Variants in PRTFDC1 observed in about 807,000 individuals in gnomAD.
The protein encoded by PRTFDC1 is phosphoribosyl transferase domain containing 1.
Under a neutral mutation model 34.6 loss-of-function variants are expected in PRTFDC1, and 38 were observed. The ratio of observed to expected loss-of-function variants is 1.10; its 90% CI spans 0.85 to 1.44. PRTFDC1 has a LOEUF of 1.44. Ranked by LOEUF, PRTFDC1 falls within the 40% of genes most tolerant of loss-of-function variation. The probability of loss-of-function intolerance (pLI) is 0.00; values close to 1 mark genes in which losing one functional copy is unlikely to be tolerated. For missense variants in PRTFDC1, 270 were observed against 283.0 expected, an observed-to-expected ratio of 0.95 and a Z score of 0.33; for synonymous variants, 93 against 98.1, an observed-to-expected ratio of 0.95 and a Z score of 0.31.
In PRTFDC1 at chr10:24,952,561, G is replaced by C; in HGVS notation, c.15C>G (p.Ser5Arg). The C allele has an allele frequency of 6.3e-7, 1 of 1,591,862 alleles. No individual in the cohort carries two copies. Residue 5 changes from serine to arginine, a missense_variant, in exon 1 of 9, where the codon AGC becomes AGG. Coordinates refer to ENST00000320152, the MANE Select transcript of PRTFDC1 (RefSeq NM_020200.7). This position sits in a 1 kb window ranked among gnomAD's most constrained non-coding sequence, Gnocchi z 5.1. The part of the protein sequence containing the change: MAGS[S>R]EEAPDYGRGV... ...CTCGCCCGTAGTCTGGCGCCTCCTC[G>C]CTGCTCCCGGCCATGTTTCTCCCGG...
intron 3 of PRTFDC1, among the ~76,000 whole-genome samples, chr10:24,876,555 A>G (rs1296985121): frequency 2.0e-5 from 3 of 151,718 alleles, no homozygotes; most frequent in African/African-American, 7.3e-5. Context: ...TTAGCCAGGT[A>G]TGTTGGTGCA....
chr10:24,852,154 T>G (rs1251646684), intron 7 of PRTFDC1, among the ~76,000 whole-genome samples: 1 of 151,948 alleles, frequency 6.6e-6, no homozygotes, highest in Non-Finnish European at 1.5e-5. Flanking sequence ...GAAGATTCAT[T>G]GAAAAGATGA....
chr10:24,898,434 G>A (rs1327713485), intron 3 of PRTFDC1, among the ~76,000 whole-genome samples: 10 of 145,832 alleles, frequency 6.9e-5, no homozygotes, highest in Admixed American at 1.4e-4. Context: ...ACTGTACTCC[G>A]GCCCGGGTGA....
intron 3 of PRTFDC1, among the ~76,000 whole-genome samples, chr10:24,888,794 A>C (rs1848212903): frequency 6.6e-6 from 1 of 152,196 alleles, no homozygotes; most frequent in East Asian, 1.9e-4. Context: ...AATATACATC[A>C]ATAATGTGGT....
chr10:24,881,478 C>T (rs531073921), intron 3 of PRTFDC1, among the ~76,000 whole-genome samples: 387 of 152,224 alleles, frequency 2.5e-3, no homozygotes, highest in Non-Finnish European at 4.6e-3. Context: ...GTCAGCAGGG[C>T]ATGGAGTGAT....
In PRTFDC1 at chr10:24,848,997, A is replaced by C. The variant is rs1847436710; in HGVS notation, c.*847T>G. ...AGTGTCTTGTCCTTTCATGCAAATA[A>C]GAGGAAAAATTTATACTTGCTTAGT... is the stretch of plus-strand genomic sequence containing the variant. On this transcript the variant is annotated 3_prime_UTR_variant, in exon 9 of 9. Coordinates refer to ENST00000320152, the MANE Select transcript of PRTFDC1 (RefSeq NM_020200.7). The C allele has an allele frequency of 6.6e-6, 1 of 152,246 alleles. No individual in the cohort carries two copies. The highest frequency in any genetic ancestry group is 6.5e-5 in the Admixed American group (1 of 15,278). The allele number at this position is 152,246 out of a possible 1,614,324, so 9.4% of individuals were successfully genotyped here.
chr10:24,921,393 A>G (rs1178095078), intron 3 of PRTFDC1, among the ~76,000 whole-genome samples: 1 of 152,134 alleles, frequency 6.6e-6, no homozygotes, highest in Non-Finnish European at 1.5e-5. Flanking sequence ...TAGGGCACCA[A>G]AGCCCCCATC....
intron 3 of PRTFDC1, chr10:24,908,730 C>T (rs187565232): frequency 6.5e-7 from 1 of 1,528,750 alleles, no homozygotes. Context: ...GAAGGAGACA[C>T]CTACCTAGCC....
chr10:24,850,562 T>C (rs981286032), intron 8 of PRTFDC1, among the ~76,000 whole-genome samples: 1 of 151,802 alleles, frequency 6.6e-6, no homozygotes. Flanking sequence ...AGCCTGGGAG[T>C]TCAAGGCTGC....
At chr10:24,894,070 C>T (rs552568428) in intron 3 of PRTFDC1, among the ~76,000 whole-genome samples, 3 of 152,256 alleles carry the variant, frequency 2.0e-5, no homozygotes, top group South Asian at 2.1e-4. Context: ...CGGTGGCTCA[C>T]GCCTGTAATC....
At chr10:24,921,787 A>G (rs190146239) in intron 3 of PRTFDC1, among the ~76,000 whole-genome samples, 25 of 152,220 alleles carry the variant, frequency 1.6e-4, no homozygotes, top group Admixed American at 1.1e-3. Context: ...TCCCAAATTA[A>G]TAAGTAGAAA....
chr10:24,871,953 G>A (rs1847875955), intron 4 of PRTFDC1, 45 bp downstream of exon 4: 20 of 1,517,978 alleles, frequency 1.3e-5, no homozygotes, highest in Non-Finnish European at 1.6e-5. Context: ...GGTCACCGAT[G>A]CCCCCAGACC....
intron 3 of PRTFDC1, among the ~76,000 whole-genome samples, chr10:24,936,126 G>A (rs1366843841): frequency 1.3e-5 from 2 of 152,214 alleles, no homozygotes; most frequent in Non-Finnish European, 2.9e-5. Context: ...GAATTAAAAT[G>A]TGTCAAGTTA....
At chr10:24,890,881 G>T (rs955559854) in intron 3 of PRTFDC1, among the ~76,000 whole-genome samples, 2 of 152,204 alleles carry the variant, frequency 1.3e-5, no homozygotes, top group Non-Finnish European at 2.9e-5. Context: ...GCTTCACTAA[G>T]GATCCTAGAA....
intron 4 of PRTFDC1, among the ~76,000 whole-genome samples, chr10:24,861,981 A>G (rs1354312870): frequency 6.6e-6 from 1 of 151,940 alleles, no homozygotes; most frequent in African/African-American, 2.4e-5. Flanking sequence ...ATTTCCTTAC[A>G]TATAAATATA....
chr10:24,881,332 A>T (rs1039134643), intron 3 of PRTFDC1, among the ~76,000 whole-genome samples: 2 of 152,062 alleles, frequency 1.3e-5, no homozygotes, highest in African/African-American at 4.8e-5. Flanking sequence ...GGCCTCCCAA[A>T]GCACCTGGCC....
At chr10:24,880,863 CTTTCTTTCTTTCT>C (rs1848064862) in intron 3 of PRTFDC1, among the ~76,000 whole-genome samples, 2 of 146,480 alleles carry the variant, frequency 1.4e-5, no homozygotes, top group Admixed American at 6.8e-5. Flanking sequence ...TTCTTTCTTT[CTTTCTTTCTTTCT>C]TTCCCTCTTT....
intron 4 of PRTFDC1, among the ~76,000 whole-genome samples, chr10:24,865,372 T>G (rs1296045407): frequency 6.6e-6 from 1 of 152,152 alleles, no homozygotes; most frequent in African/African-American, 2.4e-5. Flanking sequence ...GTTTTTTGAG[T>G]GGGCAACTTC....
At chr10:24,942,136 G>A (rs1849168837) in intron 2 of PRTFDC1, among the ~76,000 whole-genome samples, 194 bp downstream of exon 2, 1 of 152,200 alleles carries the variant, frequency 6.6e-6, no homozygotes, top group South Asian at 2.1e-4. Flanking sequence ...CATACCGCCT[G>A]AACAAATGTC....
Sources: gnomAD v4.1 joint callset for allele counts (sites outside exome capture counted in the v4.1 genomes callset) on GRCh38, gnomAD v4.1.1 for gene constraint, Gnocchi (gnomAD v3.1) non-coding constraint, MANE v1.5 for transcripts, NCBI Gene and HGNC (gene_info 2026-07-23, HGNC 2026-07-21) for gene names.